The following ZNF98 variants were observed in gnomAD, a reference collection of about 807,000 sequenced individuals.
ZNF98 encodes the protein zinc finger protein 98.
In ZNF98, 8 loss-of-function variants were observed where a neutral mutation model predicts 12.8. The observed-to-expected ratio is 0.63, with a 90% confidence interval of 0.37 to 1.13. The LOEUF (loss-of-function observed/expected upper bound fraction) is 1.13, where lower values mean the gene tolerates loss of function less well. Ranked by LOEUF, ZNF98 falls within the 50% of genes most tolerant of loss-of-function variation. The pLI, the probability that ZNF98 is intolerant of heterozygous loss-of-function variation, is 0.01. For synonymous variants in ZNF98, 112 were observed against 223.5 expected, an observed-to-expected ratio of 0.50 and a Z score of 4.45; for missense variants, 379 against 666.1, an observed-to-expected ratio of 0.57 and a Z score of 4.74.
Position 22,392,489 on chromosome 19 carries a change from C to T in ZNF98, c.746G>A (p.Arg249Gln), listed in dbSNP as rs1022721934. The T allele has an allele frequency of 5.7e-6, 9 of 1,581,064 alleles. No individual in the cohort carries two copies. The Middle Eastern group carries it at 6.0e-4, about 105-fold the overall frequency. The change falls in exon 4 of 4, where the codon CGG becomes CAG. Residue 249 changes from arginine to glutamine, a missense_variant. By Grantham distance (43) the Arg-to-Gln change is conservative. This residue lies in a region of ZNF98 where 24 missense variants were observed against 48.8 expected (regional missense o/e 0.49). Coordinates refer to ENST00000357774, the MANE Select transcript of ZNF98 (RefSeq NM_001098626.2). ...CTTATGTGTAGTAAGGTGTGAGAGCCGGTTAAAGGCTTTTCCACACTCTTC... is the reference window on the plus strand; with the variant it reads ...CTTATGTGTAGTAAGGTGTGAGAGCTGGTTAAAGGCTTTTCCACACTCTTC... ...KCEECGKAFN[R>Q]LSHLTTHKII...
intron 1 of ZNF98, among the ~76,000 whole-genome samples, chr19:22,416,361 T>C (rs1436846890): frequency 6.6e-6 from 1 of 151,812 alleles, no homozygotes; most frequent in African/African-American, 2.4e-5. Flanking sequence ...TCCCAGCTAC[T>C]GGGGAGGCTG....
chr19:22,416,844 T>C (rs1969649736), intron 1 of ZNF98, among the ~76,000 whole-genome samples: 1 of 151,352 alleles, frequency 6.6e-6, no homozygotes, highest in South Asian at 2.1e-4. Flanking sequence ...CACACACAGA[T>C]CATGTCCTTT....
rs575664945 is a variant in ZNF98 at position 22,399,018 on chromosome 19, C to T, written c.253+3771G>A. Reference sequence around the variant, plus strand: ...GCTGATTTATCTCTTAAACCCCACACCGACTTACATGTAAAAACAGAATTG... The same window carrying T: ...GCTGATTTATCTCTTAAACCCCACATCGACTTACATGTAAAAACAGAATTG... On this transcript the variant is annotated intron_variant, in intron 3 of 3. Coordinates refer to ENST00000357774, the MANE Select transcript of ZNF98 (RefSeq NM_001098626.2). Among the ~76,000 whole-genome samples the T allele has an allele frequency of 1.3e-3, 202 of 152,256 alleles. 1 individual carries two copies. The highest frequency in any genetic ancestry group is 2.5e-3 in the Non-Finnish European group (170 of 68,020).
In ZNF98 at chr19:22,392,906, C is replaced by T. The variant is rs1969347724; in HGVS notation, c.329G>A (p.Arg110Lys). 6.3e-7 allele frequency: 1 copy of T among 1,595,920 alleles called. No individual in the cohort carries two copies. Among genetic ancestry groups the T allele is most frequent in the Non-Finnish European group, 8.5e-7 (1 of 1,174,478 alleles). The change falls in exon 4 of 4, where the codon AGA becomes AAA. Residue 110 changes from arginine (R) to lysine (K), a missense_variant. Physicochemically the swap from Arg to Lys is conservative, Grantham distance 26 (BLOSUM62 2). This residue lies in a region of ZNF98 where 223 missense variants were observed against 261.6 expected (regional missense o/e 0.85). Coordinates refer to ENST00000357774, the MANE Select transcript of ZNF98 (RefSeq NM_001098626.2). ...KKNYFQKVIL[R>K]TYKKCGRENL... ...TTCACGTCCACATTTTTTATATGTT[C>T]TCAGTATCACTTTTTGGAAATAATT...
At chr19:22,409,321 C>CA (rs1415236678) in intron 1 of ZNF98, among the ~76,000 whole-genome samples, 4 of 151,930 alleles carry the variant, frequency 2.6e-5, no homozygotes, top group African/African-American at 9.7e-5. Context: ...ATGTAAAGCC[C>CA]AAAACCAGAA....
intron 3 of ZNF98, among the ~76,000 whole-genome samples, chr19:22,393,250 G>A (rs1454473000): frequency 6.6e-6 from 1 of 152,198 alleles, no homozygotes; most frequent in Non-Finnish European, 1.5e-5. Flanking sequence ...TTTACCCAGT[G>A]CAGATCTTCC....
intron 2 of ZNF98, among the ~76,000 whole-genome samples, chr19:22,403,094 T>C (rs1003709984): frequency 6.6e-6 from 1 of 151,736 alleles, no homozygotes; most frequent in Non-Finnish European, 1.5e-5. Flanking sequence ...AAACTGGTAG[T>C]GGCAATTAGA....
intron 1 of ZNF98, among the ~76,000 whole-genome samples, chr19:22,418,246 G>A (rs1969665655): frequency 6.6e-6 from 1 of 151,990 alleles, no homozygotes; most frequent in African/African-American, 2.4e-5. Context: ...AAAAATTATG[G>A]ACTCCTGTAA....
Position 22,391,445 on chromosome 19 carries a change from C to T in ZNF98, c.*71G>A, listed in dbSNP as rs1969320625. On this transcript the variant is annotated 3_prime_UTR_variant, in exon 4 of 4. Coordinates refer to ENST00000357774, the MANE Select transcript of ZNF98 (RefSeq NM_001098626.2). Reference sequence around the variant, plus strand: ...CTGTTCACACTTGTAGAAGTTTTCTCCAGAATGAATTACCTTACCTACAAT... The same window carrying T: ...CTGTTCACACTTGTAGAAGTTTTCTTCAGAATGAATTACCTTACCTACAAT... The T allele has an allele frequency of 2.7e-6, 4 of 1,500,384 alleles. No homozygotes were observed. Among genetic ancestry groups the T allele is most frequent in the South Asian group, 1.4e-5 (1 of 72,664 alleles). 92.9% of individuals were successfully genotyped at this position (1,500,384 alleles called of 1,614,324 possible).
At chr19:22,413,407 T>A (rs1161464205) in intron 1 of ZNF98, among the ~76,000 whole-genome samples, 1 of 152,022 alleles carries the variant, frequency 6.6e-6, no homozygotes, top group African/African-American at 2.4e-5. Context: ...ACAAAATAAA[T>A]GTACAAAAAT....
intron 3 of ZNF98, among the ~76,000 whole-genome samples, chr19:22,398,475 CCCT>C: frequency 6.6e-6 from 1 of 151,554 alleles, no homozygotes; most frequent in East Asian, 1.9e-4. Flanking sequence ...AAGTAATCCT[CCCT>C]CCTCAATCTC....
At chr19:22,393,574 A>G (rs989589719) in intron 3 of ZNF98, among the ~76,000 whole-genome samples, 1 of 152,022 alleles carries the variant, frequency 6.6e-6, no homozygotes, top group Non-Finnish European at 1.5e-5. Context: ...ACAAAACACA[A>G]GAAATGGGGA....
At chr19:22,398,047 G>A (rs1271871954) in intron 3 of ZNF98, among the ~76,000 whole-genome samples, 39 of 151,214 alleles carry the variant, frequency 2.6e-4, no homozygotes, top group Non-Finnish European at 4.7e-4. Context: ...GTAGGTAAAA[G>A]CAAGGCAAAT....
At chr19:22,399,537 G>A (rs778171234) in intron 3 of ZNF98, among the ~76,000 whole-genome samples, 4 of 152,094 alleles carry the variant, frequency 2.6e-5, no homozygotes, top group Non-Finnish European at 4.4e-5. Flanking sequence ...AACAAATTAT[G>A]TCATATTTTA....
In ZNF98 at chr19:22,417,340, AAG is replaced by A. The variant is rs112651785; in HGVS notation, c.30+4853_30+4854del. On this transcript the variant is annotated intron_variant, in intron 1 of 3. Transcript: ENST00000357774. ...GAGGCGTAGTTGAGGTTAGAGGACA[AAG>A]AGGATCAGAAAAAGTACCTGCTTGG... Among the ~76,000 whole-genome samples, 502 of 152,190 alleles carry A rather than the reference AAG, an allele frequency of 3.3e-3. 5 individuals are homozygous for A. The highest frequency in any genetic ancestry group is 0.012 in the African/African-American group (487 of 41,516).
At position 22,397,134 on chromosome 19, in the gene ZNF98, A is replaced by C. The variant is rs559709054; in HGVS notation, c.254-4153T>G. Among the ~76,000 whole-genome samples the C allele has an allele frequency of 7.5e-3, 1,123 of 150,428 alleles. 16 individuals carry two copies. The highest frequency in any genetic ancestry group is 0.026 in the African/African-American group (1,052 of 41,114). ...ACTCTGTCTCAAAAAAAAACAACAA[A>C]AAAAAACCACTTCAGATTTACTCAC... On this transcript the variant is annotated intron_variant, in intron 3 of 3. Transcript: ENST00000357774.
intron 1 of ZNF98, among the ~76,000 whole-genome samples, chr19:22,413,869 CAAA>C (rs57148885): frequency 0.061 from 2,615 of 43,082 alleles, 95 homozygotes; most frequent in African/African-American, 0.2. Context: ...AACTCCGTCT[CAAA>C]AAAAAAAAAA....
chr19:22,397,432 C>T (rs868687964), intron 3 of ZNF98, among the ~76,000 whole-genome samples: 901 of 146,738 alleles, frequency 6.1e-3, no homozygotes, highest in African/African-American at 0.022. Context: ...TAGAAAACAC[C>T]CCTCAACACC....
chr19:22,415,753 T>G (rs1969632655), intron 1 of ZNF98, among the ~76,000 whole-genome samples: 1 of 151,392 alleles, frequency 6.6e-6, no homozygotes, highest in Non-Finnish European at 1.5e-5. Context: ...GCCACTGCAC[T>G]CCAGTCTGGA....
Sources: gnomAD v4.1 joint callset for allele counts (sites outside exome capture counted in the v4.1 genomes callset) on GRCh38, gnomAD v4.1.1 for gene constraint, gnomAD v4.1.1 regional missense constraint, MANE v1.5 for transcripts, NCBI Gene and HGNC (gene_info 2026-07-23, HGNC 2026-07-21) for gene names.